GAN: variants seen among roughly 807,000 people sequenced by gnomAD.
The protein encoded by GAN is epididymis secretory sperm binding protein.
In GAN, 48 loss-of-function variants were observed where a neutral mutation model predicts 71.3. That is an observed-to-expected ratio of 0.67 (90% CI 0.53 to 0.86). GAN has a LOEUF of 0.86. Among genes scored for constraint, GAN ranks in the 40% least tolerant of loss-of-function variants. The probability of loss-of-function intolerance (pLI) is 0.00; values close to 1 mark genes in which losing one functional copy is unlikely to be tolerated. For synonymous variants in GAN, 386 were observed against 276.8 expected (o/e 1.39, Z -3.92); for missense variants, 928 against 770.1 (o/e 1.21, Z -2.43).
intron 5 of GAN, among the ~76,000 whole-genome samples, chr16:81,358,506 G>T (rs996162367): frequency 6.6e-6 from 1 of 152,008 alleles, no homozygotes; most frequent in African/African-American, 2.4e-5. Context: ...CTACTTGGGA[G>T]GCTGAGGTGG....
At chr16:81,343,256 A>C (rs1004351917) in intron 1 of GAN, among the ~76,000 whole-genome samples, 2 of 152,176 alleles carry the variant, frequency 1.3e-5, no homozygotes, top group South Asian at 2.1e-4. Flanking sequence ...GGGAATCCTC[A>C]CTAACTCATT....
At chr16:81,338,782 C>T (rs1022788745) in intron 1 of GAN, among the ~76,000 whole-genome samples, 3 of 152,176 alleles carry the variant, frequency 2.0e-5, no homozygotes, top group African/African-American at 7.2e-5. Flanking sequence ...GGCTGTGGAG[C>T]AAGACTGCTT....
chr16:81,322,345 C>G (rs1909248796), intron 1 of GAN, among the ~76,000 whole-genome samples: 1 of 152,206 alleles, frequency 6.6e-6, no homozygotes, highest in Admixed American at 6.5e-5. Flanking sequence ...GATAAGACAT[C>G]TCAGCAGCGG....
intron 2 of GAN, among the ~76,000 whole-genome samples, chr16:81,351,992 T>A (rs995639649): frequency 1.3e-5 from 2 of 152,228 alleles, no homozygotes; most frequent in African/African-American, 4.8e-5. Flanking sequence ...CTGCCCTGAC[T>A]GCTGTGTTTT....
At chr16:81,353,185 G>T (rs1328333584) in intron 2 of GAN, among the ~76,000 whole-genome samples, 2 of 151,704 alleles carry the variant, frequency 1.3e-5, no homozygotes, top group Non-Finnish European at 2.9e-5. Flanking sequence ...CGGCTACTCG[G>T]GAGGCTGAGG....
At chr16:81,321,373 C>T (rs890261702) in intron 1 of GAN, among the ~76,000 whole-genome samples, 1 of 152,176 alleles carries the variant, frequency 6.6e-6, no homozygotes, top group Non-Finnish European at 1.5e-5. Context: ...CACTCTTTTA[C>T]CTATACTGTT....
rs1260602888 is a variant in GAN, at chr16:81,382,171, T to A, written c.*4575T>A. The A allele has an allele frequency of 6.6e-6, 1 of 152,138 alleles. No homozygotes were observed. Among genetic ancestry groups the A allele is most frequent in the African/African-American group, 2.4e-5 (1 of 41,420 alleles). 9.4% of individuals were successfully genotyped at this position (152,138 alleles called of 1,614,324 possible). On this transcript the variant is annotated 3_prime_UTR_variant, in exon 11 of 11. Transcript: ENST00000648994. ...TACCAGGGTAATCTTGGAGGCCTGA[T>A]AGATATGGCTTCATTTCTCACTTTA...
intron 2 of GAN, among the ~76,000 whole-genome samples, chr16:81,354,127 A>G (rs1464196900): frequency 6.6e-6 from 1 of 152,178 alleles, no homozygotes; most frequent in African/African-American, 2.4e-5. Context: ...AGTGAACAAC[A>G]TGGACAGTTC....
chr16:81,360,068 T>TGGATAGATGGAC lies in GAN; in HGVS notation c.973+2137_973+2138insGGATAGATGGAC, dbSNP rs58464258. 8.3e-3 allele frequency among the ~76,000 whole-genome samples: 1,218 copies of TGGATAGATGGAC among 145,914 alleles called. 87 individuals are homozygous for TGGATAGATGGAC. The highest frequency in any genetic ancestry group is 0.02 in the African/African-American group (783 of 39,056). On this transcript the variant is annotated intron_variant, in intron 5 of 10. Coordinates refer to ENST00000648994, the MANE Select transcript of GAN (RefSeq NM_022041.4). ...ATGGATGGATGGATGGATGGATGGATAGATGGATGGACAGACAGATAGGTA... is the reference window on the plus strand; with the variant it reads ...ATGGATGGATGGATGGATGGATGGATGGATAGATGGACAGATGGATGGACAGACAGATAGGTA...
chr16:81,327,944 T>TTA (rs953659533), intron 1 of GAN, among the ~76,000 whole-genome samples: 10 of 152,228 alleles, frequency 6.6e-5, no homozygotes, highest in Non-Finnish European at 1.3e-4. Context: ...TGCCTTCCTT[T>TTA]TATGTACCTT....
chr16:81,359,252 C>T (rs972450555), intron 5 of GAN, among the ~76,000 whole-genome samples: 1 of 152,122 alleles, frequency 6.6e-6, no homozygotes, highest in Non-Finnish European at 1.5e-5. Context: ...ACACGTCTGT[C>T]ACAAAGGCTC....
Position 81,354,468 on chromosome 16 carries a change from G to T in GAN, c.346G>T (p.Asp116Tyr), listed in dbSNP as rs1421481681. Reference protein sequence around the residue: ...VQAADLLLLTDLKTLCCEFLE... With the variant: ...VQAADLLLLTYLKTLCCEFLE... ...GGCAGCTGACCTGCTGCTACTGACG[G>T]ACCTTAAAACCCTGTGCTGTGAGTT... The change falls in exon 3 of 11, where the codon GAC becomes TAC. Residue 116 changes from aspartate to tyrosine, a missense_variant. Coordinates refer to ENST00000648994, the MANE Select transcript of GAN (RefSeq NM_022041.4). 7 of 1,614,098 alleles carry T rather than the reference G, an allele frequency of 4.3e-6. No individual in the cohort carries two copies. The highest frequency in any genetic ancestry group is 5.9e-6 in the Non-Finnish European group (7 of 1,179,964).
chr16:81,375,084 A>T (rs995569546), intron 9 of GAN, among the ~76,000 whole-genome samples: 6 of 152,220 alleles, frequency 3.9e-5, no homozygotes, highest in Admixed American at 3.9e-4. Context: ...AGAAACTGTG[A>T]CTGTAAAAGA....
chr16:81,344,654 A>G (rs1453795080), intron 1 of GAN, among the ~76,000 whole-genome samples: 1 of 152,216 alleles, frequency 6.6e-6, no homozygotes, highest in Non-Finnish European at 1.5e-5. Flanking sequence ...GACCATAAAA[A>G]TCCTAGAAGA....
At chr16:81,375,016 G>A (rs1209823369) in intron 9 of GAN, among the ~76,000 whole-genome samples, 1 of 152,086 alleles carries the variant, frequency 6.6e-6, no homozygotes, top group African/African-American at 2.4e-5. Context: ...AGTTCCAGAA[G>A]AGAGCATAGG....
intron 1 of GAN, among the ~76,000 whole-genome samples, chr16:81,348,386 A>T (rs1380015990): frequency 6.6e-6 from 1 of 151,970 alleles, no homozygotes; most frequent in Non-Finnish European, 1.5e-5. Flanking sequence ...CACAATCTTT[A>T]CTTCCTTTAA....
intron 5 of GAN, among the ~76,000 whole-genome samples, chr16:81,360,068 T>TGG (rs58464258): frequency 6.9e-6 from 1 of 145,816 alleles, no homozygotes; most frequent in Non-Finnish European, 1.5e-5. Context: ...GATGGATGGA[T>TGG]AGATGGATGG....
At chr16:81,344,437 A>G (rs1036501417) in intron 1 of GAN, among the ~76,000 whole-genome samples, 1 of 152,226 alleles carries the variant, frequency 6.6e-6, no homozygotes, top group Admixed American at 6.5e-5. Context: ...CCAATGGAAC[A>G]GAACGGAGGC....
chr16:81,347,100 G>C (rs1422299202), intron 1 of GAN, among the ~76,000 whole-genome samples: 1 of 152,178 alleles, frequency 6.6e-6, no homozygotes, highest in Non-Finnish European at 1.5e-5. Flanking sequence ...TTCAAAGCCA[G>C]ATATTTCGGT....
Sources: allele counts gnomAD v4.1 joint callset (sites outside exome capture counted in the v4.1 genomes callset), GRCh38; gene constraint gnomAD v4.1.1; transcripts MANE v1.5; gene names NCBI Gene and HGNC (gene_info 2026-07-23, HGNC 2026-07-21).